The following LARP4 variants were observed in gnomAD, a reference collection of about 807,000 sequenced individuals.
LARP4 encodes la-related protein 4.
Under a neutral mutation model 92.9 loss-of-function variants are expected in LARP4, and 29 were observed. The observed-to-expected ratio is 0.31, with a 90% confidence interval of 0.23 to 0.43. The LOEUF (loss-of-function observed/expected upper bound fraction) is 0.43, where lower values mean the gene tolerates loss of function less well. LARP4 is among the 20% of genes least tolerant of loss of function. The probability of loss-of-function intolerance (pLI) is 1.00; values close to 1 mark genes in which losing one functional copy is unlikely to be tolerated. For missense variants in LARP4, 732 were observed against 860.0 expected, an observed-to-expected ratio of 0.85 and a Z score of 1.86; for synonymous variants, 279 against 284.1, an observed-to-expected ratio of 0.98 and a Z score of 0.18.
intron 12 of LARP4, among the ~76,000 whole-genome samples, chr12:50,463,157 C>T (rs1369396727): frequency 2.6e-5 from 4 of 151,688 alleles, no homozygotes; most frequent in Admixed American, 1.3e-4. Context: ...CGGGGTCTTG[C>T]GGGCCAGGCA....
intron 2 of LARP4, 74 bp from the exon 3 acceptor site, chr12:50,428,861 A>T: frequency 9.0e-7 from 1 of 1,107,434 alleles, no homozygotes. Context: ...TTTATAGGTG[A>T]CATACTGCCC....
chr12:50,435,572 A>G lies in LARP4; in HGVS notation c.483A>G (p.Glu161=). Residue 161 remains glutamate, a synonymous_variant, in exon 5 of 16, where the codon GAA becomes GAG. Coordinates refer to ENST00000398473, the MANE Select transcript of LARP4 (RefSeq NM_052879.5). ...CAATTTGGACAGTTGCCAACATGGA[A>G]GAAATAAAAAAGTTGACTACAGACC... is the stretch of plus-strand genomic sequence containing the variant. ...FIPIWTVANM[E]EIKKLTTDPD... is the part of the protein sequence containing the mutation. The G allele has an allele frequency of 6.2e-7, 1 of 1,607,816 alleles. No individual in the cohort carries two copies. Among genetic ancestry groups the G allele is most frequent in the Non-Finnish European group, 8.5e-7 (1 of 1,174,304 alleles).
rs1955578630 is a variant in LARP4 at position 50,462,591 on chromosome 12, C to A, written c.1344C>A (p.Leu448=). Residue 448 remains leucine, a synonymous_variant, in exon 12 of 16, where the codon CTC becomes CTA. Transcript: ENST00000398473. ...NGDYGRGRRT[L]FRGRRRREDD... ...TTTTTCTTATTAAAAGGAGAACTCT[C>A]TTCAGAGGTCGAAGACGACGAGAAG... 5 of 1,041,550 alleles carry A rather than the reference C, an allele frequency of 4.8e-6. No homozygotes were observed. The South Asian group carries it at 6.6e-5, about 14-fold the overall frequency. 64.5% of individuals were successfully genotyped at this position (1,041,550 alleles called of 1,614,324 possible).
intron 15 of LARP4, among the ~76,000 whole-genome samples, chr12:50,474,594 G>A (rs1328219681): frequency 2.6e-5 from 4 of 152,208 alleles, no homozygotes; most frequent in East Asian, 1.9e-4. Context: ...TGATCCACCC[G>A]CCTCGGCCTC....
intron 7 of LARP4, chr12:50,441,322 T>C (rs1252547165): frequency 3.6e-6 from 1 of 277,492 alleles, no homozygotes; most frequent in Non-Finnish European, 6.8e-6. Flanking sequence ...TGATCATTTT[T>C]AAATTGGTTT....
In LARP4 at chr12:50,479,944, A is replaced by T. The variant is rs1468020377; in HGVS notation, c.*4080A>T. ...CCTTGTATTTGTATTTGTTTTCAAC[A>T]TCGCCAAGGTGCTATGGGAAATTAA... On this transcript the variant is annotated 3_prime_UTR_variant, in exon 16 of 16. Coordinates refer to ENST00000398473, the MANE Select transcript of LARP4 (RefSeq NM_052879.5). 6.6e-6 allele frequency: 1 copy of T among 152,576 alleles called. No individual in the cohort carries two copies. The highest frequency in any genetic ancestry group is 1.5e-5 in the Non-Finnish European group (1 of 68,036). The allele number at this position is 152,576 out of a possible 1,614,324, so 9.5% of individuals were successfully genotyped here. A position where few individuals can be genotyped will look rare whatever the true frequency, so the allele number is the denominator to read the frequency against.
chr12:50,411,829 C>T (rs1029814231), intron 1 of LARP4, among the ~76,000 whole-genome samples: 3 of 151,994 alleles, frequency 2.0e-5, no homozygotes, highest in Admixed American at 1.3e-4. Flanking sequence ...TACAGGCACA[C>T]GCCACCATGC....
chr12:50,422,523 A>C (rs184699304), intron 1 of LARP4, among the ~76,000 whole-genome samples: 1 of 152,234 alleles, frequency 6.6e-6, no homozygotes, highest in East Asian at 1.9e-4. Context: ...CTGAATAAAC[A>C]GCAATTTTTT....
chr12:50,469,149 C>G (rs1192491016), intron 13 of LARP4, among the ~76,000 whole-genome samples: 1 of 152,138 alleles, frequency 6.6e-6, no homozygotes, highest in Non-Finnish European at 1.5e-5. Flanking sequence ...ATTGGATTCT[C>G]TATCAGAAAT....
chr12:50,432,753 G>A (rs1015795633), intron 4 of LARP4, among the ~76,000 whole-genome samples: 1 of 151,358 alleles, frequency 6.6e-6, no homozygotes, highest in African/African-American at 2.4e-5. Flanking sequence ...CCAGTTACTC[G>A]AGAGGCTGAG....
At chr12:50,409,606 A>C (rs1330957875) in intron 1 of LARP4, among the ~76,000 whole-genome samples, 1 of 151,912 alleles carries the variant, frequency 6.6e-6, no homozygotes, top group Non-Finnish European at 1.5e-5. Context: ...ACCAAAAAAT[A>C]TACAAAAAAA....
rs933807321 is a variant in LARP4 at position 50,477,836 on chromosome 12, T to C, written c.*1972T>C. The C allele has an allele frequency of 1.3e-5, 2 of 152,526 alleles. No homozygotes were observed. Among genetic ancestry groups the C allele is most frequent in the African/African-American group, 4.8e-5 (2 of 41,446 alleles). The allele number at this position is 152,526 out of a possible 1,614,324, so 9.4% of individuals were successfully genotyped here. A position where few individuals can be genotyped will look rare whatever the true frequency, so the allele number is the denominator to read the frequency against. ...AGTTTAGGTCCTTTAAAAAAACATA[T>C]TAATCATTGACTACATCTATGATAA... On this transcript the variant is annotated 3_prime_UTR_variant, in exon 16 of 16. Transcript: ENST00000398473.
intron 1 of LARP4, among the ~76,000 whole-genome samples, chr12:50,415,377 G>A (rs1455802132): frequency 6.6e-6 from 1 of 152,096 alleles, no homozygotes; most frequent in Admixed American, 6.6e-5. Flanking sequence ...ATCAGATTTT[G>A]GGGTAGTGTA....
chr12:50,448,260 T>G (rs1212213532), intron 8 of LARP4, among the ~76,000 whole-genome samples: 1 of 152,184 alleles, frequency 6.6e-6, no homozygotes, highest in Non-Finnish European at 1.5e-5. Flanking sequence ...CCCCCCATCT[T>G]AACTGTTCTT....
intron 4 of LARP4, among the ~76,000 whole-genome samples, chr12:50,433,568 T>A (rs1167085357): frequency 6.6e-6 from 1 of 152,110 alleles, no homozygotes. Context: ...CAGAGTTCAT[T>A]TAGGCTACAG....
intron 3 of LARP4, among the ~76,000 whole-genome samples, 167 bp downstream of exon 3, chr12:50,429,257 T>C (rs1229606941): frequency 1.3e-5 from 2 of 152,204 alleles, no homozygotes; most frequent in East Asian, 3.8e-4. Context: ...TCAGATAACA[T>C]GACTTTTGTA....
chr12:50,467,323 A>G (rs1956272971), intron 13 of LARP4, among the ~76,000 whole-genome samples: 1 of 150,200 alleles, frequency 6.7e-6, no homozygotes, highest in African/African-American at 2.4e-5. Context: ...TGGCTTTTGC[A>G]TGTCTTTGTT....
intron 8 of LARP4, among the ~76,000 whole-genome samples, chr12:50,448,212 A>G (rs1022930006): frequency 6.6e-6 from 1 of 152,056 alleles, no homozygotes; most frequent in Non-Finnish European, 1.5e-5. Context: ...ACAATATACC[A>G]TCTTAATTGT....
At chr12:50,410,648 CCCT>C (rs893085995) in intron 1 of LARP4, among the ~76,000 whole-genome samples, 1 of 152,098 alleles carries the variant, frequency 6.6e-6, no homozygotes, top group African/African-American at 2.4e-5. Context: ...TCATGATCCG[CCCT>C]CCTCAGCCTC....
Sources: allele counts gnomAD v4.1 joint callset (sites outside exome capture counted in the v4.1 genomes callset), GRCh38; gene constraint gnomAD v4.1.1; transcripts MANE v1.5; gene names NCBI Gene and HGNC (gene_info 2026-07-23, HGNC 2026-07-21).